Variants in ZNF839 observed in about 807,000 individuals in gnomAD.
ZNF839 encodes the protein renal carcinoma antigen NY-REN-50.
In ZNF839, 38 loss-of-function variants were observed where a neutral mutation model predicts 56.4. That is an observed-to-expected ratio of 0.67 (90% CI 0.52 to 0.88). ZNF839 has a LOEUF of 0.88. Among genes scored for constraint, ZNF839 ranks in the 40% least tolerant of loss-of-function variants. The pLI is 0.00. For missense variants in ZNF839, 1,091 were observed against 1,177.6 expected (o/e 0.93, Z 1.08); for synonymous variants, 486 against 493.5 (o/e 0.98, Z 0.20).
chr14:102,339,053 T>A, intron 6 of ZNF839, 41 bp from the exon 7 acceptor site: 1 of 1,613,488 alleles, frequency 6.2e-7, no homozygotes, highest in Non-Finnish European at 8.5e-7. Context: ...GCGGTTTGCC[T>A]ATTCCTTCCT....
chr14:102,341,841 A>G lies in ZNF839; in HGVS notation c.2446A>G (p.Arg816Gly), dbSNP rs1226218594. Residue 816 changes from arginine to glycine, a missense_variant, in exon 8 of 8, where the codon AGG becomes GGG. Arg to Gly is a moderately radical substitution (Grantham distance 125). Around this residue, in one of 3 missense-constraint regions of ZNF839, gnomAD observed 431 missense variants for 468.0 expected, o/e 0.92. Coordinates refer to ENST00000442396, the MANE Select transcript of ZNF839 (RefSeq NM_018335.6). ...VDSVAVDCAY[R>G]TVPKPGPQPG... ...TAGCGTGGCAGTGGACTGTGCCTAC[A>G]GGACTGTGCCCAAGCCAGGGCCTCA... 1.2e-6 allele frequency: 2 copies of G among 1,613,936 alleles called. No individual in the cohort carries two copies. The highest frequency in any genetic ancestry group is 2.7e-5 in the African/African-American group (2 of 74,944).
intron 1 of ZNF839, among the ~76,000 whole-genome samples, chr14:102,323,289 C>T (rs1276396177): frequency 6.6e-6 from 1 of 152,242 alleles, no homozygotes; most frequent in Non-Finnish European, 1.5e-5. Context: ...ATCCTCCAGC[C>T]ACCCATGTCA....
upstream of ZNF839, among the ~76,000 whole-genome samples, chr14:102,318,118 A>G (rs1816296811): frequency 6.6e-6 from 1 of 152,222 alleles, no homozygotes. Flanking sequence ...TGCTATTATA[A>G]GCAAAGTTAG....
chr14:102,322,082 A>G (rs1049812607), intron 1 of ZNF839, among the ~76,000 whole-genome samples: 4 of 151,608 alleles, frequency 2.6e-5, no homozygotes, highest in Non-Finnish European at 5.9e-5. Flanking sequence ...GCCCTTTTTC[A>G]CCTGGCAAAA....
intron 2 of ZNF839, 189 bp from the exon 3 acceptor site, chr14:102,331,433 A>G (rs1305829744): frequency 2.5e-5 from 14 of 556,526 alleles, no homozygotes; most frequent in Non-Finnish European, 9.6e-6. Context: ...TATTCTTAGT[A>G]GAGATGGGGT....
chr14:102,336,885 C>T (rs142890748), intron 5 of ZNF839: 35 of 205,512 alleles, frequency 1.7e-4, no homozygotes, highest in African/African-American at 6.6e-4. Context: ...CGCCGTGTGT[C>T]ACCATGCCCA....
chr14:102,318,632 CA>C (rs200585269), upstream of ZNF839, among the ~76,000 whole-genome samples: 3,372 of 124,350 alleles, frequency 0.027, 43 homozygotes, highest in Middle Eastern at 0.071. Context: ...GATCTTGTCT[CA>C]AAAAAAAAAA....
chr14:102,338,587 T>C (rs1164576755), intron 5 of ZNF839, among the ~76,000 whole-genome samples: 1 of 151,188 alleles, frequency 6.6e-6, no homozygotes, highest in Non-Finnish European at 1.5e-5. Context: ...TCCTCTAAAT[T>C]GTGCTCACAT....
intron 7 of ZNF839, among the ~76,000 whole-genome samples, chr14:102,340,101 T>C (rs1386195629): frequency 6.6e-6 from 1 of 151,482 alleles, no homozygotes; most frequent in Non-Finnish European, 1.5e-5. Context: ...GCCTCCCCAG[T>C]AGCTGGGATT....
chr14:102,323,594 G>A (rs991895347), intron 1 of ZNF839, among the ~76,000 whole-genome samples: 5 of 152,134 alleles, frequency 3.3e-5, no homozygotes, highest in Non-Finnish European at 5.9e-5. Context: ...CCTGAACTTC[G>A]TAGAACAGAA....
chr14:102,329,503 G>C (rs1227187951), intron 2 of ZNF839, among the ~76,000 whole-genome samples: 1 of 151,886 alleles, frequency 6.6e-6, no homozygotes, highest in African/African-American at 2.4e-5. Context: ...TCCTGCCTCA[G>C]CCTTTTTAGT....
intron 2 of ZNF839, among the ~76,000 whole-genome samples, chr14:102,329,009 C>T (rs1429506645): frequency 4.7e-5 from 7 of 148,342 alleles, no homozygotes; most frequent in South Asian, 2.1e-4. Flanking sequence ...CTTGCTCTGT[C>T]GCCAGGCTGG....
chr14:102,329,705 TTGTGTG>T (rs58999642), intron 2 of ZNF839, among the ~76,000 whole-genome samples: 6 of 146,910 alleles, frequency 4.1e-5, no homozygotes, highest in Admixed American at 2.7e-4. Context: ...ATTCTAATAT[TTGTGTG>T]TGTGTGTGTG....
rs376630932 is a variant in ZNF839, at chr14:102,326,187, G to T, written c.491G>T (p.Cys164Phe). The change falls in exon 2 of 8, where the codon TGC (cysteine) becomes TTC (phenylalanine). Residue 164 changes from cysteine to phenylalanine, a missense_variant. Cys to Phe is a radical substitution (Grantham distance 205). Coordinates refer to ENST00000442396, the MANE Select transcript of ZNF839 (RefSeq NM_018335.6). The surrounding 1 kb of genome is among the most constrained non-coding windows in gnomAD (Gnocchi z 4.3). ...QPLVRTEPQSCFLSDLCQPPA... is the reference protein window; with the variant it reads ...QPLVRTEPQSFFLSDLCQPPA... ...CTTGTGAGAACCGAGCCACAGTCCTGCTTCCTAAGTGACTTATGCCAACCT... is the reference window on the plus strand; with the variant it reads ...CTTGTGAGAACCGAGCCACAGTCCTTCTTCCTAAGTGACTTATGCCAACCT... 16 of 1,613,644 alleles carry T rather than the reference G, an allele frequency of 9.9e-6. No individual in the cohort carries two copies. The highest frequency in any genetic ancestry group is 1.4e-5 in the Non-Finnish European group (16 of 1,179,784).
chr14:102,331,464 G>T, intron 2 of ZNF839, 158 bp from the exon 3 acceptor site: 1 of 615,864 alleles, frequency 1.6e-6, no homozygotes, highest in Non-Finnish European at 2.8e-6. Context: ...TGGCCAGGTC[G>T]GTCTCAAACT....
intron 1 of ZNF839, among the ~76,000 whole-genome samples, chr14:102,321,880 C>A (rs1354202074): frequency 6.6e-6 from 1 of 152,080 alleles, no homozygotes; most frequent in African/African-American, 2.4e-5. Context: ...ATTTCAACAA[C>A]CACAGCAGAA....
chr14:102,325,508 G>A (rs942064344), intron 1 of ZNF839, among the ~76,000 whole-genome samples: 3 of 151,246 alleles, frequency 2.0e-5, no homozygotes, highest in Middle Eastern at 3.2e-3. Flanking sequence ...TTTTGTTTTT[G>A]TTTTTTTCAG....
chr14:102,318,029 G>A (rs1033608811), upstream of ZNF839, among the ~76,000 whole-genome samples: 5 of 152,200 alleles, frequency 3.3e-5, no homozygotes, highest in African/African-American at 1.2e-4. Flanking sequence ...TAAATAAGAA[G>A]CAGCTCAACA....
In ZNF839 at chr14:102,326,098, C is replaced by T. The variant is rs1356450143; in HGVS notation, c.402C>T (p.Pro134=). The change falls in exon 2 of 8, where the codon CCC becomes CCT. Residue 134 remains proline, a synonymous_variant. Transcript: ENST00000442396. The surrounding 1 kb of genome is among the most constrained non-coding windows in gnomAD (Gnocchi z 4.3). ...AAACTGCAAGAAAGAGCCAGCTGCC[C>T]CGGGGGAATTCCTGCCTGGTGGGGC... The part of the protein sequence containing the change: ...QPQTARKSQL[P]RGNSCLVGLH... 6.2e-7 allele frequency: 1 copy of T among 1,613,966 alleles called. No homozygotes were observed. The highest frequency in any genetic ancestry group is 1.1e-5 in the South Asian group (1 of 91,076).
Sources: allele counts gnomAD v4.1 joint callset (sites outside exome capture counted in the v4.1 genomes callset), GRCh38; gene constraint gnomAD v4.1.1; regional missense constraint gnomAD v4.1.1; non-coding constraint Gnocchi (gnomAD v3.1); transcripts MANE v1.5; gene names NCBI Gene and HGNC (gene_info 2026-07-23, HGNC 2026-07-21).